The following RGS5 variants were observed in gnomAD, a reference collection of about 807,000 sequenced individuals.
RGS5 encodes regulator of G-protein signalling 5.
Under a neutral mutation model 18.9 loss-of-function variants are expected in RGS5, and 20 were observed. The ratio of observed to expected loss-of-function variants is 1.06; its 90% CI spans 0.74 to 1.54. RGS5 has a LOEUF of 1.54. RGS5 is among the 40% of genes most tolerant of loss of function. RGS5 has a pLI of 0.00. For synonymous variants in RGS5, 57 were observed against 76.2 expected, an observed-to-expected ratio of 0.75 and a Z score of 1.31; for missense variants, 201 against 211.8, an observed-to-expected ratio of 0.95 and a Z score of 0.32.
intron 3 of RGS5, among the ~76,000 whole-genome samples, chr1:163,153,780 C>T (rs1185272024): frequency 1.3e-5 from 2 of 151,502 alleles, no homozygotes; most frequent in Non-Finnish European, 2.9e-5. Flanking sequence ...CAATATTTTC[C>T]TTCTCCTTAA....
chr1:163,196,470 G>A (rs1195999064), intron 1 of RGS5, among the ~76,000 whole-genome samples: 1 of 152,142 alleles, frequency 6.6e-6, no homozygotes, highest in Non-Finnish European at 1.5e-5. Flanking sequence ...GTTTCAAAAT[G>A]TAAGATTCTG....
intron 2 of RGS5, among the ~76,000 whole-genome samples, chr1:163,262,822 G>C (rs966653780): frequency 2.6e-5 from 4 of 151,836 alleles, no homozygotes; most frequent in East Asian, 1.9e-4. Flanking sequence ...AGCACCTGTT[G>C]TTTCCTGACT....
chr1:163,224,700 A>T (rs533365934), intron 2 of RGS5, among the ~76,000 whole-genome samples: 42 of 152,286 alleles, frequency 2.8e-4, no homozygotes, highest in African/African-American at 7.0e-4. Flanking sequence ...CCTCACCAGC[A>T]TTTGTTATTT....
chr1:163,258,677 A>C (rs1648344569), intron 2 of RGS5, among the ~76,000 whole-genome samples: 1 of 149,322 alleles, frequency 6.7e-6, no homozygotes, highest in African/African-American at 2.5e-5. Flanking sequence ...GTGTGTGTAC[A>C]ATTTTTTTTT....
At chr1:163,246,322 G>A (rs963798556) in intron 2 of RGS5, among the ~76,000 whole-genome samples, 1 of 151,834 alleles carries the variant, frequency 6.6e-6, no homozygotes, top group South Asian at 2.1e-4. Context: ...TGTAATCCCA[G>A]CACTTTGGGA....
intron 1 of RGS5, among the ~76,000 whole-genome samples, chr1:163,182,437 G>A (rs1239600938): frequency 1.3e-5 from 2 of 152,106 alleles, no homozygotes; most frequent in Non-Finnish European, 2.9e-5. Context: ...TTTTTCCCAA[G>A]TACTGGCCAC....
At chr1:163,181,455 G>A (rs1658844205) in intron 1 of RGS5, among the ~76,000 whole-genome samples, 1 of 152,088 alleles carries the variant, frequency 6.6e-6, no homozygotes, top group Non-Finnish European at 1.5e-5. Context: ...GCATATTTAA[G>A]GGGCCTCAGG....
chr1:163,180,984 G>C (rs530802015), intron 1 of RGS5, among the ~76,000 whole-genome samples: 14 of 152,100 alleles, frequency 9.2e-5, no homozygotes, highest in African/African-American at 3.1e-4. Context: ...GTGAGCCACC[G>C]CGCCCGCCCC....
At chr1:163,293,232 C>T (rs983622194) in intron 2 of RGS5, among the ~76,000 whole-genome samples, 5 of 152,072 alleles carry the variant, frequency 3.3e-5, no homozygotes, top group Non-Finnish European at 7.4e-5. Context: ...TTTCACACTG[C>T]TATAAAGAAC....
chr1:163,198,458 T>C (rs1457704288), intron 1 of RGS5, among the ~76,000 whole-genome samples: 3 of 152,134 alleles, frequency 2.0e-5, no homozygotes, highest in African/African-American at 7.2e-5. Flanking sequence ...TTTGAGACTA[T>C]TGCTCATTAA....
At position 163,144,810 on chromosome 1, in the gene RGS5, T is replaced by A. The variant is rs962994093; in HGVS notation, c.*2532A>T. The A allele has an allele frequency of 6.6e-6, 1 of 152,612 alleles. No individual in the cohort carries two copies. The highest frequency in any genetic ancestry group is 1.9e-4 in the East Asian group (1 of 5,196). The allele number at this position is 152,612 out of a possible 1,614,324, so 9.5% of individuals were successfully genotyped here. A position where few individuals can be genotyped will look rare whatever the true frequency, so the allele number is the denominator to read the frequency against. On this transcript the variant is annotated 3_prime_UTR_variant, in exon 5 of 5. Coordinates refer to ENST00000313961, the MANE Select transcript of RGS5 (RefSeq NM_003617.4). ...CCCTCTTTTCTAAGTTTCCAAAAAC[T>A]TTCAGAAGTGTTCAAAGAAATTTTC...
chr1:163,239,081 G>T, intron 2 of RGS5: 1 of 189,980 alleles, frequency 5.3e-6, no homozygotes, highest in South Asian at 1.3e-4. Context: ...CAGCAACGGT[G>T]AATCCCATTT....
intron 2 of RGS5, among the ~76,000 whole-genome samples, chr1:163,282,874 G>T (rs1272886522): frequency 6.6e-6 from 1 of 152,024 alleles, no homozygotes; most frequent in East Asian, 1.9e-4. Flanking sequence ...ACAAGATATG[G>T]AACCAACCTA....
At chr1:163,241,478 T>G (rs764978246) in intron 2 of RGS5, among the ~76,000 whole-genome samples, 14 of 152,222 alleles carry the variant, frequency 9.2e-5, no homozygotes, top group Non-Finnish European at 1.5e-4. Context: ...GAGTAAAATA[T>G]TTTCTTGTGA....
At chr1:163,149,301 G>T (rs1557878695) in intron 4 of RGS5, among the ~76,000 whole-genome samples, 2 of 152,078 alleles carry the variant, frequency 1.3e-5, no homozygotes, top group Non-Finnish European at 2.9e-5. Flanking sequence ...TCCATTCTCA[G>T]TCTATTATTC....
chr1:163,193,216 C>G (rs1434943323), intron 1 of RGS5, among the ~76,000 whole-genome samples: 1 of 152,152 alleles, frequency 6.6e-6, no homozygotes, highest in Non-Finnish European at 1.5e-5. Flanking sequence ...GGGCTAGGTG[C>G]TGTTTTGAGC....
At chr1:163,178,579 T>C (rs2102412698) in intron 1 of RGS5, among the ~76,000 whole-genome samples, 1 of 152,228 alleles carries the variant, frequency 6.6e-6, no homozygotes, top group Non-Finnish European at 1.5e-5. Context: ...AGACGATACC[T>C]AAACCCACAC....
chr1:163,165,918 A>AC (rs1557885928), intron 2 of RGS5, among the ~76,000 whole-genome samples: 3 of 124,384 alleles, frequency 2.4e-5, no homozygotes, highest in Non-Finnish European at 1.6e-5. Context: ...AAAAAAAACA[A>AC]AAAAAAAACA....
At chr1:163,180,504 G>A (rs981752395) in intron 1 of RGS5, among the ~76,000 whole-genome samples, 14 of 152,048 alleles carry the variant, frequency 9.2e-5, no homozygotes, top group Non-Finnish European at 1.8e-4. Context: ...CAAATCACTT[G>A]GAGGCCTGGT....
Sources: allele counts gnomAD v4.1 joint callset (sites outside exome capture counted in the v4.1 genomes callset), GRCh38; gene constraint gnomAD v4.1.1; transcripts MANE v1.5; gene names NCBI Gene and HGNC (gene_info 2026-07-23, HGNC 2026-07-21).